Variants in LYRM4 observed in about 807,000 individuals in gnomAD.
The protein encoded by LYRM4 is LYR motif containing 4, also known as LYR motif-containing protein 4.
Under a neutral mutation model 11.7 loss-of-function variants are expected in LYRM4, and 9 were observed. The observed-to-expected ratio is 0.77, with a 90% CI of 0.46 to 1.34. The LOEUF is 1.34. LYRM4 is among the 40% of genes most tolerant of loss of function. The pLI is 0.00. For synonymous variants in LYRM4, 42 were observed against 40.4 expected (o/e 1.04, Z -0.15); for missense variants, 133 against 112.5 (o/e 1.18, Z -0.82).
At chr6:5,082,674 T>G in the LYRM4 span, among the ~76,000 whole-genome samples, 1 of 152,248 alleles carries the variant, frequency 6.6e-6, no homozygotes. Flanking sequence ...AATTTGCTCT[T>G]TGTCCTGTAT....
Position 5,260,886 on chromosome 6 carries a change from C to T in LYRM4, c.-153G>A, listed in dbSNP as rs994447835. On this transcript the variant is annotated 5_prime_UTR_variant, in exon 1 of 3. Coordinates refer to ENST00000330636, the MANE Select transcript of LYRM4 (RefSeq NM_020408.6). ...GCCGGGCCTAAGCCTAAGCGGGCAGCCCTGCGGATCGCGGACGGCGCCAGG... is the reference window on the plus strand; with the variant it reads ...GCCGGGCCTAAGCCTAAGCGGGCAGTCCTGCGGATCGCGGACGGCGCCAGG... 7.8e-6 allele frequency: 11 copies of T among 1,408,064 alleles called. No homozygotes were observed. Among genetic ancestry groups the T allele is most frequent in the African/African-American group, 3.0e-5 (2 of 66,588 alleles). 87.2% of individuals were successfully genotyped at this position (1,408,064 alleles called of 1,614,324 possible).
In LYRM4 at chr6:5,260,753, A is replaced by C. The variant is rs778946275; in HGVS notation, c.-20T>G. ...TGCCATTTTGGAAAGAAAAAAAAAT[A>C]AACGGGTCCTCTTCGCCGAGGTCCC... On this transcript the variant is annotated 5_prime_UTR_variant, in exon 1 of 3. Coordinates refer to ENST00000330636, the MANE Select transcript of LYRM4 (RefSeq NM_020408.6). The C allele has an allele frequency of 7.8e-6, 12 of 1,541,988 alleles. No individual in the cohort carries two copies. The South Asian group carries it at 1.3e-4, about 17-fold the overall frequency.
At chr6:5,120,717 G>A (rs912841558) in intron 2 of LYRM4, among the ~76,000 whole-genome samples, 31 of 152,134 alleles carry the variant, frequency 2.0e-4, no homozygotes, top group African/African-American at 6.5e-4. Context: ...TCCATTTTGC[G>A]AACCTCTAGC....
chr6:5,069,484 T>A, the LYRM4 span, among the ~76,000 whole-genome samples: 297 of 150,000 alleles, frequency 2.0e-3, 1 homozygote, highest in African/African-American at 6.1e-3. Flanking sequence ...ATATATATAT[T>A]TTTTTGTTTT....
Position 5,245,162 on chromosome 6 carries a change from AT to A in LYRM4, c.86+15485del, listed in dbSNP as rs1561899277. On this transcript the variant is annotated intron_variant, in intron 1 of 2. Transcript: ENST00000330636. Reference sequence around the variant, plus strand: ...TATATATATATATATATATATATATATAAAATAGGTGAATTTCTGGAACAAA... The same window carrying A: ...TATATATATATATATATATATATATAAAAATAGGTGAATTTCTGGAACAAA... Among the ~76,000 whole-genome samples, 201 of 97,816 alleles carry A rather than the reference AT, an allele frequency of 2.1e-3. 16 individuals are homozygous for A. The highest frequency in any genetic ancestry group is 9.8e-3 in the Middle Eastern group (2 of 204). 64.2% of individuals were successfully genotyped at this position (97,816 alleles called of 152,430 possible).
rs569805891 is a variant in LYRM4 at position 5,114,063 on chromosome 6, C to G, written c.208-4572G>C. Among the ~76,000 whole-genome samples, 4 of 152,302 alleles carry G rather than the reference C, an allele frequency of 2.6e-5. No individual in the cohort carries two copies. The South Asian group carries it at 8.3e-4, about 32-fold the overall frequency. Reference sequence around the variant, plus strand: ...CAGCTAGAGGTGGCCAATGAGGTGTCAGCTGTCATCATGGCTGGAGCATCT... The same window carrying G: ...CAGCTAGAGGTGGCCAATGAGGTGTGAGCTGTCATCATGGCTGGAGCATCT... On this transcript the variant is annotated intron_variant, in intron 2 of 2. Transcript: ENST00000330636.
At chr6:5,153,586 G>A (rs139200021) in intron 2 of LYRM4, among the ~76,000 whole-genome samples, 86 of 152,288 alleles carry the variant, frequency 5.6e-4, no homozygotes, top group African/African-American at 1.8e-3. Context: ...GCAATCACCA[G>A]TACCTCCTGA....
At chr6:5,071,749 T>C in the LYRM4 span, among the ~76,000 whole-genome samples, 2 of 152,168 alleles carry the variant, frequency 1.3e-5, no homozygotes, top group African/African-American at 2.4e-5. Flanking sequence ...ACGATTCTCC[T>C]GCCTCAGCCT....
chr6:5,147,525 T>C (rs930089939), intron 2 of LYRM4, among the ~76,000 whole-genome samples: 6 of 152,230 alleles, frequency 3.9e-5, no homozygotes, highest in Non-Finnish European at 1.5e-5. Context: ...GGGTTATCAA[T>C]GTCCACAGAA....
intron 1 of LYRM4, among the ~76,000 whole-genome samples, chr6:5,230,264 G>A (rs1335411978): frequency 6.6e-6 from 1 of 152,166 alleles, no homozygotes; most frequent in African/African-American, 2.4e-5. Flanking sequence ...TTCATTTGTG[G>A]AGTCCTGCAA....
At chr6:5,053,823 TA>T in the LYRM4 span, among the ~76,000 whole-genome samples, 1 of 152,142 alleles carries the variant, frequency 6.6e-6, no homozygotes, top group African/African-American at 2.4e-5. Context: ...AGTCCCAAGG[TA>T]AGTAACCTAT....
chr6:5,121,268 T>C (rs1423188861), intron 2 of LYRM4, among the ~76,000 whole-genome samples: 2 of 152,230 alleles, frequency 1.3e-5, no homozygotes, highest in Non-Finnish European at 2.9e-5. Context: ...TATAGGATGC[T>C]ATCGCCTGCT....
chr6:5,203,394 C>T (rs1761505530), intron 2 of LYRM4, among the ~76,000 whole-genome samples: 1 of 152,188 alleles, frequency 6.6e-6, no homozygotes, highest in African/African-American at 2.4e-5. Flanking sequence ...GCTCCTGGTC[C>T]TGCCTCCCCA....
At chr6:5,090,820 T>G in the LYRM4 span, among the ~76,000 whole-genome samples, 1 of 152,168 alleles carries the variant, frequency 6.6e-6, no homozygotes, top group Non-Finnish European at 1.5e-5. The surrounding 1 kb of genome is among the most constrained non-coding windows in gnomAD (Gnocchi z 4.8). Context: ...TATTTCAGCT[T>G]TCTAGCACAA....
At chr6:5,118,688 T>C (rs1322228613) in intron 2 of LYRM4, among the ~76,000 whole-genome samples, 2 of 152,200 alleles carry the variant, frequency 1.3e-5, no homozygotes, top group Non-Finnish European at 2.9e-5. Flanking sequence ...ATTTTTATCA[T>C]GCTTTTTATA....
At chr6:5,057,948 C>CAAAAA in the LYRM4 span, among the ~76,000 whole-genome samples, 1 of 152,000 alleles carries the variant, frequency 6.6e-6, no homozygotes, top group Non-Finnish European at 1.5e-5. Context: ...GATGGGGTCA[C>CAAAAA]TTTATGTTGC....
chr6:5,144,587 T>C (rs1245027254), intron 2 of LYRM4, among the ~76,000 whole-genome samples: 1 of 118,638 alleles, frequency 8.4e-6, no homozygotes, highest in East Asian at 2.5e-4. Context: ...ATCACGCCAC[T>C]GCACTCCAGC....
intron 2 of LYRM4, chr6:5,113,507 G>A (rs923114569): frequency 3.3e-6 from 1 of 306,456 alleles, no homozygotes; most frequent in East Asian, 1.2e-4. Flanking sequence ...GGAATACGTG[G>A]GTGCTGCCCT....
At chr6:5,041,571 A>G in the LYRM4 span, among the ~76,000 whole-genome samples, 1 of 152,234 alleles carries the variant, frequency 6.6e-6, no homozygotes, top group African/African-American at 2.4e-5. Context: ...CTCTATTTTA[A>G]TGGGCCCATG....
Sources: gnomAD v4.1 joint callset for allele counts (sites outside exome capture counted in the v4.1 genomes callset) on GRCh38, gnomAD v4.1.1 for gene constraint, Gnocchi (gnomAD v3.1) non-coding constraint, MANE v1.5 for transcripts, NCBI Gene and HGNC (gene_info 2026-07-23, HGNC 2026-07-21) for gene names.